SIK3: variants seen among roughly 807,000 people sequenced by gnomAD.
SIK3 encodes serine/threonine-protein kinase SIK3.
In SIK3, 28 loss-of-function variants were observed where a neutral mutation model predicts 144.2. That is an observed-to-expected ratio of 0.19 (90% CI 0.14 to 0.27). SIK3 has a LOEUF of 0.27. Ranked by LOEUF, SIK3 falls within the 10% of genes least tolerant of loss-of-function variation. SIK3 has a pLI of 1.00. For missense variants in SIK3, 1,319 were observed against 1,776.0 expected, an observed-to-expected ratio of 0.74 and a Z score of 4.62; for synonymous variants, 686 against 676.3, an observed-to-expected ratio of 1.01 and a Z score of -0.22.
intron 20 of SIK3, 28 bp downstream of exon 20, chr11:116,859,237 A>G: frequency 6.3e-7 from 1 of 1,575,732 alleles, no homozygotes; most frequent in Non-Finnish European, 8.6e-7. Flanking sequence ...CCATGCATAG[A>G]TGGCTGGGTG....
intron 6 of SIK3, among the ~76,000 whole-genome samples, chr11:116,891,122 C>G (rs544387358): frequency 3.5e-4 from 54 of 152,170 alleles, no homozygotes; most frequent in African/African-American, 1.2e-3. Context: ...GCTTGGTCAA[C>G]AGAGAGAGAG....
intron 4 of SIK3, among the ~76,000 whole-genome samples, chr11:116,915,914 C>A (rs1368442012): frequency 3.9e-5 from 6 of 152,202 alleles, no homozygotes; most frequent in Admixed American, 3.9e-4. Context: ...TAACCAACTA[C>A]TTGAACAATA....
chr11:117,048,702 C>T (rs962107708), intron 1 of SIK3, among the ~76,000 whole-genome samples: 8 of 152,102 alleles, frequency 5.3e-5, no homozygotes, highest in Admixed American at 6.6e-5. Flanking sequence ...CAACTTCTTT[C>T]TCCCAGTATC....
chr11:117,056,534 T>C (rs1047972032), intron 1 of SIK3, among the ~76,000 whole-genome samples: 2 of 137,204 alleles, frequency 1.5e-5, no homozygotes, highest in Admixed American at 7.7e-5. Context: ...TAAAAATATA[T>C]AGATAGATAT....
intron 3 of SIK3, among the ~76,000 whole-genome samples, chr11:116,936,611 A>G (rs1947933939): frequency 6.6e-6 from 1 of 152,154 alleles, no homozygotes; most frequent in African/African-American, 2.4e-5. Context: ...TTAACATCCA[A>G]TTACTTACAA....
rs1259266318 is a variant in SIK3, at chr11:117,068,632, A to G, written c.273+29511T>C. Among the ~76,000 whole-genome samples, 3 of 152,142 alleles carry G rather than the reference A, an allele frequency of 2.0e-5. No homozygotes were observed. In the East Asian group the frequency reaches 5.8e-4, roughly 29 times the overall value. On this transcript the variant is annotated intron_variant, in intron 1 of 24. Coordinates refer to ENST00000445177, the MANE Select transcript of SIK3 (RefSeq NM_001366686.3). ...ACAGGTGGCGCATGCCTGTAGTCCCAGCTACTCAGGCAGCTGAGCCCAGGA... is the reference window on the plus strand; with the variant it reads ...ACAGGTGGCGCATGCCTGTAGTCCCGGCTACTCAGGCAGCTGAGCCCAGGA...
intron 4 of SIK3, among the ~76,000 whole-genome samples, chr11:116,906,942 C>T (rs1038689774): frequency 1.3e-5 from 2 of 152,162 alleles, no homozygotes; most frequent in Admixed American, 6.6e-5. Context: ...AAACGAACGT[C>T]GTGGCCATGC....
chr11:116,890,749 T>C (rs985319596), intron 6 of SIK3, among the ~76,000 whole-genome samples: 2 of 151,366 alleles, frequency 1.3e-5, no homozygotes, highest in Non-Finnish European at 2.9e-5. Flanking sequence ...GTGGGTGGAG[T>C]GGGGTGGGAT....
rs1028210327 is a variant in SIK3, at chr11:117,098,428, T to C, written c.-13A>G. 5.5e-4 allele frequency: 622 copies of C among 1,128,234 alleles called. 1 individual carries two copies. The highest frequency in any genetic ancestry group is 6.6e-4 in the Non-Finnish European group (609 of 927,730). The allele number at this position is 1,128,234 out of a possible 1,614,324, so 69.9% of individuals were successfully genotyped here. A position where few individuals can be genotyped will look rare whatever the true frequency, so the allele number is the denominator to read the frequency against. On this transcript the variant is annotated 5_prime_UTR_variant, in exon 1 of 25. Transcript: ENST00000445177. ...CCGCCGCCGCCATCTTGTTGTGCAG[T>C]GAAACCTCCGGGGCCGCGGGGAGCC...
chr11:117,025,863 T>A (rs1340192361), intron 1 of SIK3, among the ~76,000 whole-genome samples: 1 of 152,172 alleles, frequency 6.6e-6, no homozygotes, highest in Non-Finnish European at 1.5e-5. Flanking sequence ...GGAACTCAAA[T>A]CCCCTGACTA....
intron 1 of SIK3, among the ~76,000 whole-genome samples, chr11:116,966,039 T>C (rs769203373): frequency 7.9e-5 from 12 of 151,634 alleles, no homozygotes; most frequent in Non-Finnish European, 1.6e-4. Context: ...AGAAAAGTAT[T>C]AGGGATCTGG....
intron 21 of SIK3, among the ~76,000 whole-genome samples, chr11:116,854,996 G>C (rs935574605): frequency 6.9e-6 from 1 of 145,370 alleles, no homozygotes; most frequent in Non-Finnish European, 1.5e-5. Context: ...TGAGGCAGGA[G>C]AATCGCTTGA....
intron 1 of SIK3, among the ~76,000 whole-genome samples, chr11:116,972,970 T>A (rs935379268): frequency 6.6e-6 from 1 of 152,150 alleles, no homozygotes; most frequent in African/African-American, 2.4e-5. Context: ...GCAGTCTCTC[T>A]AGGATCAGTC....
intron 4 of SIK3, among the ~76,000 whole-genome samples, chr11:116,900,874 T>C (rs918234993): frequency 6.6e-6 from 1 of 151,656 alleles, no homozygotes; most frequent in South Asian, 2.1e-4. Context: ...TATTTTTTTT[T>C]TTTTTTTGAG....
intron 1 of SIK3, among the ~76,000 whole-genome samples, chr11:116,974,068 T>TTTA (rs1201712674): frequency 4.6e-5 from 7 of 152,224 alleles, no homozygotes; most frequent in African/African-American, 1.7e-4. Context: ...TGTATCATAT[T>TTTA]ACTGTAAGAT....
chr11:116,922,210 T>C (rs900911590), intron 4 of SIK3, among the ~76,000 whole-genome samples: 9 of 152,214 alleles, frequency 5.9e-5, no homozygotes, highest in African/African-American at 2.2e-4. Flanking sequence ...CAGTATCAAA[T>C]ATCAAATGTA....
Position 116,857,927 on chromosome 11 carries a change from C to T in SIK3, c.3538G>A (p.Gly1180Arg), listed in dbSNP as rs1199030513. The change falls in exon 21 of 25, where the codon GGA becomes AGA. Residue 1180 changes from glycine (G) to arginine (R), a missense_variant. By Grantham distance (125) the Gly-to-Arg change is moderately radical. Coordinates refer to ENST00000445177, the MANE Select transcript of SIK3 (RefSeq NM_001366686.3). ...HDSPLLLSTGGPGDPESLLGT... is the reference protein window; with the variant it reads ...HDSPLLLSTGRPGDPESLLGT... ...AGCAAAGATTCAGGGTCCCCAGGTC[C>T]ACCGGTACTCAAGAGCAGAGGGCTG... 1.2e-6 allele frequency: 2 copies of T among 1,614,196 alleles called. No homozygotes were observed. The highest frequency in any genetic ancestry group is 1.1e-5 in the South Asian group (1 of 91,076).
At chr11:116,898,013 G>A (rs553286022) in intron 4 of SIK3, among the ~76,000 whole-genome samples, 68 of 151,856 alleles carry the variant, frequency 4.5e-4, no homozygotes, top group Middle Eastern at 3.4e-3. Context: ...TAGGGTACAT[G>A]TGCACAATGT....
rs544194126 is a variant in SIK3, at chr11:116,892,760, C to T, written c.865+3493G>A. On this transcript the variant is annotated intron_variant, in intron 6 of 24. Transcript: ENST00000445177. ...TAAAAATTTATGTCCACACAAAAAC[C>T]TGCACAAAGATGTTACAGTAGCTTT... is the stretch of plus-strand genomic sequence containing the variant. 9.3e-4 allele frequency among the ~76,000 whole-genome samples: 142 copies of T among 152,310 alleles called. 1 individual carries two copies. The highest frequency in any genetic ancestry group is 3.1e-3 in the African/African-American group (130 of 41,564).
Sources: allele counts gnomAD v4.1 joint callset (sites outside exome capture counted in the v4.1 genomes callset), GRCh38; gene constraint gnomAD v4.1.1; transcripts MANE v1.5; gene names NCBI Gene and HGNC (gene_info 2026-07-23, HGNC 2026-07-21).